Variants in HTR2C observed in about 807,000 individuals in gnomAD.
The protein encoded by HTR2C is 5-hydroxytryptamine receptor 2C.
A neutral mutation model predicts 21.0 loss-of-function variants in HTR2C; 5 were observed. That is an observed-to-expected ratio of 0.24 (90% CI 0.12 to 0.50). The LOEUF (loss-of-function observed/expected upper bound fraction) is 0.50, where lower values mean the gene tolerates loss of function less well. Among genes scored for constraint, HTR2C ranks in the 20% least tolerant of loss-of-function variants. The pLI, the probability that HTR2C is intolerant of heterozygous loss-of-function variation, is 0.98. For synonymous variants in HTR2C, 150 were observed against 145.3 expected (o/e 1.03, Z -0.23); for missense variants, 271 against 371.2 (o/e 0.73, Z 2.22).
At chrX:114,814,330 G>C (rs1234274066) in intron 4 of HTR2C, among the ~76,000 whole-genome samples, 1 of 110,611 alleles carries the variant, frequency 9.0e-6, no homozygotes, top group Non-Finnish European at 1.9e-5. Context: ...CATCACCAAT[G>C]TTGTATTTCC....
At chrX:114,687,333 G>A (rs1384450122) in intron 2 of HTR2C, among the ~76,000 whole-genome samples, 1 of 112,033 alleles carries the variant, frequency 8.9e-6, no homozygotes. Context: ...AAATGTATTC[G>A]TGTTTTACAC....
rs185309911 is a variant in HTR2C at position 114,630,963 on chromosome X, G to A, written c.-80+17082G>A. ...TGACCTGCCTAAAAAAAGTGAGAGA[G>A]TGGAGAGACAGATCCAGGCAGCTCA... On this transcript the variant is annotated intron_variant, in intron 2 of 5. Coordinates refer to ENST00000276198, the MANE Select transcript of HTR2C (RefSeq NM_000868.4). 793 of 295,440 alleles carry A rather than the reference G, an allele frequency of 2.7e-3. 3 individuals carry two copies. The highest frequency in any genetic ancestry group is 4.1e-3 in the Non-Finnish European group (600 of 147,944). 24.3% of individuals were successfully genotyped at this position (295,440 alleles called of 1,213,427 possible). A position where few individuals can be genotyped will look rare whatever the true frequency, so the allele number is the denominator to read the frequency against.
At chrX:114,695,323 C>A (rs1932245736) in intron 2 of HTR2C, among the ~76,000 whole-genome samples, 1 of 111,960 alleles carries the variant, frequency 8.9e-6, no homozygotes, top group South Asian at 3.7e-4. Flanking sequence ...TAGATTCAGA[C>A]TTTTTAGCTA....
chrX:114,609,888 T>G (rs1928647696), intron 1 of HTR2C, among the ~76,000 whole-genome samples: 1 of 111,876 alleles, frequency 8.9e-6, no homozygotes, highest in African/African-American at 3.2e-5. Flanking sequence ...TGCCTGGAGC[T>G]TGGAAGGTGG....
At chrX:114,689,208 G>GTATATATATA (rs58916694) in intron 2 of HTR2C, among the ~76,000 whole-genome samples, 9,346 of 72,356 alleles carry the variant, frequency 0.13, 703 homozygotes, top group East Asian at 0.21. Flanking sequence ...GTATGTATGC[G>GTATATATATA]TATATATATA....
chrX:114,701,276 C>A (rs1556416709), intron 2 of HTR2C, among the ~76,000 whole-genome samples: 1 of 112,068 alleles, frequency 8.9e-6, no homozygotes, highest in East Asian at 2.8e-4. Flanking sequence ...GTCCCTGACA[C>A]CTGACCCCCG....
intron 2 of HTR2C, among the ~76,000 whole-genome samples, chrX:114,657,314 A>G (rs1930818520): frequency 9.0e-6 from 1 of 110,977 alleles, no homozygotes; most frequent in Non-Finnish European, 1.9e-5. Flanking sequence ...AAGGTCATTG[A>G]TATTTTAGGG....
chrX:114,761,990 CTA>C (rs1208389326), intron 4 of HTR2C, among the ~76,000 whole-genome samples: 1 of 9,911 alleles, frequency 1.0e-4, no homozygotes, highest in African/African-American at 3.2e-4. Flanking sequence ...TGTATATATA[CTA>C]TATATACACA....
intron 4 of HTR2C, among the ~76,000 whole-genome samples, chrX:114,803,202 G>A (rs1556447565): frequency 1.1e-5 from 1 of 94,707 alleles, no homozygotes; most frequent in African/African-American, 3.8e-5. Flanking sequence ...ACGTGTGCGT[G>A]TGTCTTTATA....
At chrX:114,678,711 T>A (rs1931650925) in intron 2 of HTR2C, among the ~76,000 whole-genome samples, 1 of 111,898 alleles carries the variant, frequency 8.9e-6, no homozygotes, top group African/African-American at 3.3e-5. Flanking sequence ...AAGGACATTA[T>A]ACATTTAGGT....
intron 2 of HTR2C, among the ~76,000 whole-genome samples, chrX:114,717,864 A>G (rs1426479240): frequency 5.4e-5 from 6 of 111,355 alleles, no homozygotes; most frequent in South Asian, 3.8e-4. Flanking sequence ...TCAGCCAATT[A>G]CTTTGTACCC....
In HTR2C at chrX:114,721,574, G is replaced by A. The variant is rs1359050986; in HGVS notation, c.-79-5284G>A. ...TTGTTGCCATTGCTTTTGGTGTTTT[G>A]GACATGAAGTCCTTGCCCATGCCTA... On this transcript the variant is annotated intron_variant, in intron 2 of 5. Coordinates refer to ENST00000276198, the MANE Select transcript of HTR2C (RefSeq NM_000868.4). 2.1e-3 allele frequency among the ~76,000 whole-genome samples: 225 copies of A among 104,691 alleles called. 1 individual carries two copies. Among genetic ancestry groups the A allele is most frequent in the Non-Finnish European group, 3.3e-3 (170 of 50,983 alleles). 90.9% of individuals were successfully genotyped at this position (104,691 alleles called of 115,157 possible). A position where few individuals can be genotyped will look rare whatever the true frequency, so the allele number is the denominator to read the frequency against.
At chrX:114,764,865 A>ATTTCTT (rs2069922343) in intron 4 of HTR2C, among the ~76,000 whole-genome samples, 2 of 45,257 alleles carry the variant, frequency 4.4e-5, no homozygotes, top group African/African-American at 1.3e-4. Flanking sequence ...CATGGAATCA[A>ATTTCTT]TCTTTCTTTC....
intron 4 of HTR2C, among the ~76,000 whole-genome samples, chrX:114,794,549 C>G (rs782351204): frequency 1.3e-5 from 1 of 77,293 alleles, no homozygotes; most frequent in South Asian, 1.0e-3. Flanking sequence ...ACAACAGTCC[C>G]TGGTGTGTGA....
intron 4 of HTR2C, chrX:114,776,421 C>A (rs1288017209): frequency 4.1e-6 from 3 of 736,164 alleles, no homozygotes; most frequent in Admixed American, 4.4e-5. Context: ...ATAGAGGACA[C>A]CTCCTCTGGA....
intron 2 of HTR2C, among the ~76,000 whole-genome samples, chrX:114,629,097 A>T (rs1782188095): frequency 8.9e-6 from 1 of 111,873 alleles, no homozygotes; most frequent in South Asian, 3.7e-4. Context: ...CATTTAAGAG[A>T]GTATCTATAC....
chrX:114,776,497 C>A (rs2070058370), intron 4 of HTR2C: 1 of 553,970 alleles, frequency 1.8e-6, no homozygotes, highest in East Asian at 3.3e-5. Context: ...CATTCACCAT[C>A]ATGAAGGGCC....
chrX:114,872,060 G>A (rs1463515235), intron 5 of HTR2C, among the ~76,000 whole-genome samples: 1 of 109,076 alleles, frequency 9.2e-6, no homozygotes, highest in Non-Finnish European at 1.9e-5. Context: ...TTGTTACATA[G>A]GTAAACTCAT....
chrX:114,907,443 G>A lies in HTR2C; in HGVS notation c.*28G>A, dbSNP rs2092235266. On this transcript the variant is annotated 3_prime_UTR_variant, in exon 6 of 6. Transcript: ENST00000276198. ...AAGAACAGCACAGTCTTTTCCTACG[G>A]TACAAGCTACATATGTAGGAAAATT... is the stretch of plus-strand genomic sequence containing the variant. The A allele has an allele frequency of 9.3e-7, 1 of 1,073,591 alleles. No homozygotes were observed. 88.5% of individuals were successfully genotyped at this position (1,073,591 alleles called of 1,213,427 possible).
Sources: allele counts gnomAD v4.1 joint callset (sites outside exome capture counted in the v4.1 genomes callset), GRCh38; gene constraint gnomAD v4.1.1; transcripts MANE v1.5; gene names NCBI Gene and HGNC (gene_info 2026-07-23, HGNC 2026-07-21).